Variants in TENM3 observed in about 807,000 individuals in gnomAD.
TENM3 encodes teneurin-3.
In TENM3, 63 loss-of-function variants were observed where a neutral mutation model predicts 255.1. That is an observed-to-expected ratio of 0.25 (90% CI 0.20 to 0.30). The LOEUF is 0.30. TENM3 is among the 10% of genes least tolerant of loss of function. The pLI is 1.00. For missense variants in TENM3, 2,929 were observed against 3,461.1 expected (o/e 0.85, Z 3.86); for synonymous variants, 1,306 against 1,322.3 (o/e 0.99, Z 0.27).
intron 1 of TENM3, among the ~76,000 whole-genome samples, chr4:182,304,159 G>A (rs528115321): frequency 6.6e-6 from 1 of 151,616 alleles, no homozygotes; most frequent in Non-Finnish European, 1.5e-5. Flanking sequence ...GCTAAATCTA[G>A]TAGTAGCAAG....
the TENM3 span, among the ~76,000 whole-genome samples, chr4:181,711,129 T>C: frequency 3.3e-5 from 5 of 152,234 alleles, no homozygotes; most frequent in African/African-American, 1.2e-4. Context: ...ATTCACATGC[T>C]TTGGCTTTTG....
the TENM3 span, among the ~76,000 whole-genome samples, chr4:181,858,504 G>A: frequency 6.6e-6 from 1 of 152,188 alleles, no homozygotes; most frequent in Non-Finnish European, 1.5e-5. Context: ...GACAATACAA[G>A]ATACTGGGCT....
At chr4:182,773,717 C>A in intron 23 of TENM3, 70 bp downstream of exon 23, 1 of 1,362,498 alleles carries the variant, frequency 7.3e-7, no homozygotes, top group Non-Finnish European at 1.0e-6. Flanking sequence ...CACCCACTTT[C>A]CAAGGTGAAC....
At chr4:182,218,499 C>T (rs1453879887) in intron 1 of TENM3, among the ~76,000 whole-genome samples, 2 of 152,026 alleles carry the variant, frequency 1.3e-5, no homozygotes, top group Admixed American at 1.3e-4. Context: ...CATCTTAGCC[C>T]CATTTTATAA....
At chr4:181,520,270 G>A in the TENM3 span, among the ~76,000 whole-genome samples, 1 of 152,282 alleles carries the variant, frequency 6.6e-6, no homozygotes, top group East Asian at 1.9e-4. Flanking sequence ...TGCACCGTGG[G>A]AAGCCGTGCC....
the TENM3 span, among the ~76,000 whole-genome samples, chr4:181,714,301 G>A: frequency 1.3e-5 from 2 of 152,132 alleles, no homozygotes; most frequent in African/African-American, 4.8e-5. Context: ...AATTAGCTGG[G>A]TGTGGTGGCA....
At chr4:181,535,581 C>T in the TENM3 span, among the ~76,000 whole-genome samples, 1 of 152,174 alleles carries the variant, frequency 6.6e-6, no homozygotes, top group African/African-American at 2.4e-5. Flanking sequence ...CCATCTCACT[C>T]CAGGTAAAAG....
At chr4:181,807,477 C>T in the TENM3 span, among the ~76,000 whole-genome samples, 120 of 152,216 alleles carry the variant, frequency 7.9e-4, 1 homozygote, top group Non-Finnish European at 1.3e-3. Flanking sequence ...CCTCAGCCTC[C>T]CGAGTAGCTG....
chr4:182,537,051 G>C (rs1016563962), intron 3 of TENM3, among the ~76,000 whole-genome samples: 1 of 152,180 alleles, frequency 6.6e-6, no homozygotes, highest in Admixed American at 6.5e-5. Flanking sequence ...ACAGTTAACT[G>C]TGTGTTTCAG....
At chr4:182,168,457 T>C (rs934384860) in intron 1 of TENM3, among the ~76,000 whole-genome samples, 1 of 152,212 alleles carries the variant, frequency 6.6e-6, no homozygotes, top group Non-Finnish European at 1.5e-5. Context: ...TTCTTCTCTC[T>C]GGGAAACTAG....
At chr4:181,490,999 A>T in the TENM3 span, among the ~76,000 whole-genome samples, 1 of 152,308 alleles carries the variant, frequency 6.6e-6, no homozygotes, top group East Asian at 1.9e-4. Context: ...AATGTATTTT[A>T]AAATTAAAAT....
chr4:181,679,267 T>A, the TENM3 span, among the ~76,000 whole-genome samples: 1 of 152,118 alleles, frequency 6.6e-6, no homozygotes, highest in Non-Finnish European at 1.5e-5. Flanking sequence ...TCTTTAAATC[T>A]TCTTCCACCA....
the TENM3 span, among the ~76,000 whole-genome samples, chr4:181,792,519 A>AAAAT: frequency 6.6e-6 from 1 of 152,216 alleles, no homozygotes; most frequent in Admixed American, 6.5e-5. Flanking sequence ...GATAGGGAAA[A>AAAAT]AAATACGTAT....
chr4:182,060,372 A>G, the TENM3 span, among the ~76,000 whole-genome samples: 1 of 152,064 alleles, frequency 6.6e-6, no homozygotes, highest in Non-Finnish European at 1.5e-5. Context: ...TCAGGTTGAA[A>G]CTGTTCTATC....
At chr4:182,190,655 C>G (rs1430950117) in intron 1 of TENM3, among the ~76,000 whole-genome samples, 1 of 152,106 alleles carries the variant, frequency 6.6e-6, no homozygotes. Flanking sequence ...TTTCCAAGCT[C>G]TGACTTTTCT....
chr4:182,305,264 T>C (rs1762070773), intron 1 of TENM3, among the ~76,000 whole-genome samples: 1 of 152,174 alleles, frequency 6.6e-6, no homozygotes, highest in African/African-American at 2.4e-5. Flanking sequence ...AATAACAAGT[T>C]CTGAAGGCCA....
chr4:181,948,248 A>G, the TENM3 span, among the ~76,000 whole-genome samples: 3 of 152,208 alleles, frequency 2.0e-5, no homozygotes, highest in South Asian at 2.1e-4. Flanking sequence ...TCACGGGGGG[A>G]AAAAATAGAG....
At chr4:181,940,531 A>G in the TENM3 span, among the ~76,000 whole-genome samples, 1 of 152,250 alleles carries the variant, frequency 6.6e-6, no homozygotes, top group African/African-American at 2.4e-5. Flanking sequence ...ACTATATAAC[A>G]TAATAGAAAA....
At chr4:182,463,457 G>T (rs534010339) in intron 3 of TENM3, among the ~76,000 whole-genome samples, 146 of 151,998 alleles carry the variant, frequency 9.6e-4, no homozygotes, top group African/African-American at 3.4e-3. Flanking sequence ...CAATACTTTA[G>T]ACCATGTAGT....
Sources: allele counts gnomAD v4.1 joint callset (sites outside exome capture counted in the v4.1 genomes callset), GRCh38; gene constraint gnomAD v4.1.1; transcripts MANE v1.5; gene names NCBI Gene and HGNC (gene_info 2026-07-23, HGNC 2026-07-21).